HAS2: variants seen among roughly 807,000 people sequenced by gnomAD.
HAS2 encodes the protein HA synthase 2.
In HAS2, 16 loss-of-function variants were observed where a neutral mutation model predicts 51.6. The observed-to-expected ratio is 0.31, with a 90% CI of 0.21 to 0.47. The LOEUF (loss-of-function observed/expected upper bound fraction) is 0.47, where lower values mean the gene tolerates loss of function less well. Among genes scored for constraint, HAS2 ranks in the 20% least tolerant of loss-of-function variants. The probability of loss-of-function intolerance (pLI) is 1.00; values close to 1 mark genes in which losing one functional copy is unlikely to be tolerated. For synonymous variants in HAS2, 228 were observed against 235.5 expected, an observed-to-expected ratio of 0.97 and a Z score of 0.29; for missense variants, 361 against 662.6, an observed-to-expected ratio of 0.54 and a Z score of 5.00.
rs771589954 is a variant in HAS2, at chr8:121,613,980, A to T, written c.*129T>A. 56 of 1,387,334 alleles carry T rather than the reference A, an allele frequency of 4.0e-5. No homozygotes were observed. The highest frequency in any genetic ancestry group is 4.9e-5 in the Non-Finnish European group (49 of 999,972). The allele number at this position is 1,387,334 out of a possible 1,614,324, so 85.9% of individuals were successfully genotyped here. A position where few individuals can be genotyped will look rare whatever the true frequency, so the allele number is the denominator to read the frequency against. On this transcript the variant is annotated 3_prime_UTR_variant, in exon 4 of 4. Transcript: ENST00000303924. ...GCAGAATGAAAATAAACCCATATAA[A>T]TGTCTTTGTTCAAGTCCCAGCAGCA...
chr8:121,638,853 T>G (rs1813047949), intron 1 of HAS2, among the ~76,000 whole-genome samples: 1 of 152,164 alleles, frequency 6.6e-6, no homozygotes. Context: ...AATTTGGAAT[T>G]TAAAAGTTCT....
At chr8:121,628,610 TG>T in intron 2 of HAS2, 103 bp downstream of exon 2, 1 of 993,480 alleles carries the variant, frequency 1.0e-6, no homozygotes, top group South Asian at 1.6e-5. Context: ...AAAGAAGTAC[TG>T]TGTTCAGAAG....
intron 1 of HAS2, among the ~76,000 whole-genome samples, chr8:121,633,985 A>G (rs953782617): frequency 8.1e-5 from 12 of 148,624 alleles, no homozygotes; most frequent in African/African-American, 2.2e-4. Context: ...ATCTTGGCTC[A>G]CTGCAACCTC....
chr8:121,640,829 C>A (rs1389233292), intron 1 of HAS2, 24 bp downstream of exon 1: 1 of 152,096 alleles, frequency 6.6e-6, no homozygotes, highest in Non-Finnish European at 1.5e-5. Context: ...TCATCCTTCA[C>A]CAAAACGCGC....
chr8:121,628,630 A>G (rs1437653332), intron 2 of HAS2, 84 bp downstream of exon 2: 5 of 1,201,424 alleles, frequency 4.2e-6, no homozygotes, highest in Non-Finnish European at 5.9e-6. Context: ...AGGGACAAGG[A>G]TGGGCTATAG....
At chr8:121,615,072 T>C (rs1392129762) in intron 3 of HAS2, 34 bp from the exon 4 acceptor site, 2 of 1,496,400 alleles carry the variant, frequency 1.3e-6, no homozygotes, top group Non-Finnish European at 1.8e-6. Context: ...ATAGGTAAGC[T>C]TTAGCTAAAA....
At chr8:121,616,210 C>A (rs959254573) in intron 3 of HAS2, among the ~76,000 whole-genome samples, 3 of 152,062 alleles carry the variant, frequency 2.0e-5, no homozygotes, top group African/African-American at 7.2e-5. Flanking sequence ...ATATTTGTTT[C>A]ATTAATTGTT....
intron 2 of HAS2, among the ~76,000 whole-genome samples, chr8:121,623,750 A>G (rs1395063525): frequency 6.6e-6 from 1 of 152,228 alleles, no homozygotes; most frequent in Non-Finnish European, 1.5e-5. Flanking sequence ...AAAGTTGGGT[A>G]TAGAATTCAG....
At position 121,614,128 on chromosome 8, in the gene HAS2, T is replaced by A; in HGVS notation, c.1640A>T (p.Asp547Val). The A allele has an allele frequency of 3.7e-6, 6 of 1,614,054 alleles. No individual in the cohort carries two copies. The South Asian group carries it at 6.6e-5, about 18-fold the overall frequency. The change falls in exon 4 of 4, where the codon GAC (aspartate) becomes GTC (valine). Residue 547 changes from aspartate to valine, a missense_variant. Physicochemically the swap from Asp to Val is radical, Grantham distance 152. Transcript: ENST00000303924. The surrounding 1 kb of genome is among the most constrained non-coding windows in gnomAD (Gnocchi z 7.2). ...GGAAGATCATACATCAAGCACCATGTCATATTGTTGTCCCTTCTTCCGCCT... is the reference window on the plus strand; with the variant it reads ...GGAAGATCATACATCAAGCACCATGACATATTGTTGTCCCTTCTTCCGCCT... ...CGRRKKGQQY[D>V]MVLDV
Position 121,614,876 on chromosome 8 carries a change from C to A in HAS2, c.892G>T (p.Asp298Tyr). The change falls in exon 4 of 4, where the codon GAT (aspartate) becomes TAT (tyrosine). Residue 298 changes from aspartate to tyrosine, a missense_variant. Coordinates refer to ENST00000303924, the MANE Select transcript of HAS2 (RefSeq NM_005328.3). This position sits in a 1 kb window ranked among gnomAD's most constrained non-coding sequence, Gnocchi z 7.2. Reference sequence around the variant, plus strand: ...CCCATAAATTCTTGATTGTACCAATCTTCCACAAACTCATGCAACAAGGAG... The same window carrying A: ...CCCATAAATTCTTGATTGTACCAATATTCCACAAACTCATGCAACAAGGAG... ...RNSLLHEFVE[D>Y]WYNQEFMGNQ... 6.2e-7 allele frequency: 1 copy of A among 1,614,196 alleles called. No homozygotes were observed. Among genetic ancestry groups the A allele is most frequent in the Non-Finnish European group, 8.5e-7 (1 of 1,180,026 alleles).
intron 1 of HAS2, among the ~76,000 whole-genome samples, chr8:121,640,370 T>C (rs150020680): frequency 2.6e-5 from 4 of 152,072 alleles, no homozygotes; most frequent in African/African-American, 9.6e-5. Context: ...AGAAGCGACT[T>C]TTTCACTTAG....
At chr8:121,622,613 A>G (rs1411322955) in intron 2 of HAS2, among the ~76,000 whole-genome samples, 1 of 152,030 alleles carries the variant, frequency 6.6e-6, no homozygotes, top group Non-Finnish European at 1.5e-5. Context: ...TTTGGGGGAA[A>G]CAAAACAGTG....
At chr8:121,629,423 G>C in intron 1 of HAS2, 83 bp from the exon 2 acceptor site, 1 of 1,082,186 alleles carries the variant, frequency 9.2e-7, no homozygotes. Context: ...GGAGAGTATT[G>C]GACTAGAAGC....
At chr8:121,621,172 A>C (rs763093780) in intron 2 of HAS2, among the ~76,000 whole-genome samples, 4 of 152,210 alleles carry the variant, frequency 2.6e-5, no homozygotes, top group Non-Finnish European at 5.9e-5. Flanking sequence ...CTGCTTTCTT[A>C]AAAATAACAG....
intron 1 of HAS2, among the ~76,000 whole-genome samples, chr8:121,632,589 T>G (rs1812948472): frequency 6.6e-6 from 1 of 152,228 alleles, no homozygotes; most frequent in African/African-American, 2.4e-5. Context: ...CTTGCTATAC[T>G]ATAATGTATA....
chr8:121,617,222 T>A lies in HAS2; in HGVS notation c.628-16A>T. Reference sequence around the variant, plus strand: ...AATCACAAACCTGCAAAGAAGCAAATGAAAAATGAGTTAAAGAAAAGGAAG... The same window carrying A: ...AATCACAAACCTGCAAAGAAGCAAAAGAAAAATGAGTTAAAGAAAAGGAAG... On this transcript the variant is annotated splice_polypyrimidine_tract_variant and intron_variant, in intron 2 of 3. Coordinates refer to ENST00000303924, the MANE Select transcript of HAS2 (RefSeq NM_005328.3). 6.8e-7 allele frequency: 1 copy of A among 1,478,746 alleles called. No homozygotes were observed. The highest frequency in any genetic ancestry group is 1.7e-4 in the Middle Eastern group (1 of 5,726). 91.6% of individuals were successfully genotyped at this position (1,478,746 alleles called of 1,614,324 possible). A position where few individuals can be genotyped will look rare whatever the true frequency, so the allele number is the denominator to read the frequency against.
At chr8:121,623,618 T>C (rs1812804317) in intron 2 of HAS2, among the ~76,000 whole-genome samples, 2 of 152,186 alleles carry the variant, frequency 1.3e-5, no homozygotes, top group Non-Finnish European at 2.9e-5. Flanking sequence ...ATAATTAAGA[T>C]GTCAGAAGAA....
rs1554597329 is a variant in HAS2 at position 121,641,158 on chromosome 8, C to CTTTCTT, written c.-307_-306insAAGAAA. 1.1e-3 allele frequency: 62 copies of CTTTCTT among 57,002 alleles called. 1 individual carries two copies. The highest frequency in any genetic ancestry group is 2.7e-3 in the African/African-American group (40 of 14,904). The allele number at this position is 57,002 out of a possible 1,614,324, so 3.5% of individuals were successfully genotyped here. A position where few individuals can be genotyped will look rare whatever the true frequency, so the allele number is the denominator to read the frequency against. On this transcript the variant is annotated 5_prime_UTR_variant, in exon 1 of 4. Coordinates refer to ENST00000303924, the MANE Select transcript of HAS2 (RefSeq NM_005328.3). ...TAACTTTTCTTTTTTCTTTTCTTTTCTTTTTTTTTTTTTTTTTTTTTTGGG... is the reference window on the plus strand; with the variant it reads ...TAACTTTTCTTTTTTCTTTTCTTTTCTTTCTTTTTTTTTTTTTTTTTTTTTTTTGGG...
chr8:121,633,466 A>G (rs1812962965), intron 1 of HAS2, among the ~76,000 whole-genome samples: 1 of 152,168 alleles, frequency 6.6e-6, no homozygotes. Flanking sequence ...CCCTACTGTT[A>G]TAGAAAATGG....
Sources: gnomAD v4.1 joint callset for allele counts (sites outside exome capture counted in the v4.1 genomes callset) on GRCh38, gnomAD v4.1.1 for gene constraint, Gnocchi (gnomAD v3.1) non-coding constraint, MANE v1.5 for transcripts, NCBI Gene and HGNC (gene_info 2026-07-23, HGNC 2026-07-21) for gene names.